The following NDST3 variants were observed in gnomAD, a reference collection of about 807,000 sequenced individuals.
NDST3 encodes the protein N-deacetylase and N-sulfotransferase 3, also known as bifunctional heparan sulfate N-deacetylase/N-sulfotransferase 3.
A neutral mutation model predicts 96.1 loss-of-function variants in NDST3; 58 were observed. The observed-to-expected ratio is 0.60, with a 90% CI of 0.49 to 0.75. The LOEUF is 0.75. Ranked by LOEUF, NDST3 falls within the 30% of genes least tolerant of loss-of-function variation. The pLI is 0.00. For missense variants in NDST3, 788 were observed against 1,034.2 expected, an observed-to-expected ratio of 0.76 and a Z score of 3.27; for synonymous variants, 333 against 359.7, an observed-to-expected ratio of 0.93 and a Z score of 0.84.
At chr4:118,078,474 G>A (rs1401137313) in intron 2 of NDST3, among the ~76,000 whole-genome samples, 4 of 152,098 alleles carry the variant, frequency 2.6e-5, no homozygotes, top group African/African-American at 4.8e-5. Flanking sequence ...ATCAGTGGCC[G>A]GGCACGGTGG....
At chr4:118,059,318 C>T (rs1012412951) in intron 2 of NDST3, among the ~76,000 whole-genome samples, 1 of 152,076 alleles carries the variant, frequency 6.6e-6, no homozygotes, top group African/African-American at 2.4e-5. Flanking sequence ...TATACCATAA[C>T]TTGTCTATTT....
At chr4:118,225,105 G>A (rs891441780) in intron 7 of NDST3, among the ~76,000 whole-genome samples, 1 of 152,130 alleles carries the variant, frequency 6.6e-6, no homozygotes, top group Non-Finnish European at 1.5e-5. Flanking sequence ...TCTGAACCAC[G>A]AGGTACACCA....
intron 6 of NDST3, among the ~76,000 whole-genome samples, chr4:118,196,907 A>G (rs1343511908): frequency 2.5e-5 from 3 of 121,156 alleles, no homozygotes; most frequent in Non-Finnish European, 5.3e-5. Flanking sequence ...TTGCTTTTCT[A>G]CTTCTTTGAG....
intron 12 of NDST3, among the ~76,000 whole-genome samples, chr4:118,244,951 A>G (rs1055116268): frequency 7.2e-5 from 11 of 152,310 alleles, no homozygotes; most frequent in African/African-American, 2.6e-4. Flanking sequence ...AAGCTTTAAA[A>G]ATATAAATAA....
chr4:118,146,007 C>A (rs1733915286), intron 6 of NDST3, among the ~76,000 whole-genome samples: 1 of 152,202 alleles, frequency 6.6e-6, no homozygotes, highest in East Asian at 1.9e-4. Flanking sequence ...TGATGTCTGT[C>A]TTGGAGAACA....
chr4:118,081,672 A>T (rs990000840), intron 2 of NDST3, among the ~76,000 whole-genome samples: 16 of 152,130 alleles, frequency 1.1e-4, no homozygotes, highest in African/African-American at 3.9e-4. Flanking sequence ...AATTAAGTAC[A>T]TTTAAAGGGA....
intron 6 of NDST3, among the ~76,000 whole-genome samples, chr4:118,167,957 T>C (rs960890605): frequency 1.3e-5 from 2 of 151,932 alleles, no homozygotes; most frequent in African/African-American, 4.8e-5. Context: ...TGTAAAATAT[T>C]CCAATAAAAA....
At chr4:118,126,523 TATATATATATACAC>T (rs1289819860) in intron 4 of NDST3, among the ~76,000 whole-genome samples, 2,709 of 17,702 alleles carry the variant, frequency 0.15, 43 homozygotes, top group South Asian at 0.46. Context: ...TGTATATATA[TATATATATATACAC>T]ATATATATAT....
intron 6 of NDST3, among the ~76,000 whole-genome samples, chr4:118,150,842 A>T (rs1420206227): frequency 2.0e-5 from 3 of 152,106 alleles, no homozygotes; most frequent in East Asian, 1.9e-4. Context: ...TTCCTCAAGG[A>T]TCTAGAAGTA....
chr4:118,244,184 G>A (rs906156873), intron 12 of NDST3, among the ~76,000 whole-genome samples: 5 of 139,342 alleles, frequency 3.6e-5, no homozygotes, highest in African/African-American at 1.2e-4. Flanking sequence ...TGCACTAGTT[G>A]TAGAATATTT....
chr4:118,251,287 C>T (rs11931869), intron 12 of NDST3, among the ~76,000 whole-genome samples: 7,521 of 151,066 alleles, frequency 0.05, 339 homozygotes, highest in African/African-American at 0.12. Flanking sequence ...CCACCACGCC[C>T]GGCTAATTTT....
At chr4:118,209,912 T>G (rs1229033217) in intron 6 of NDST3, among the ~76,000 whole-genome samples, 1 of 152,118 alleles carries the variant, frequency 6.6e-6, no homozygotes, top group African/African-American at 2.4e-5. Context: ...ACCTTAGAAA[T>G]TAAGGTGACA....
At position 118,210,489 on chromosome 4, in the gene NDST3, C is replaced by A. The variant is rs369892836; in HGVS notation, c.1540-14002C>A. 1.9e-4 allele frequency among the ~76,000 whole-genome samples: 29 copies of A among 152,164 alleles called. No homozygotes were observed. In the Middle Eastern group the frequency reaches 0.014, roughly 72 times the overall value. ...AGCCTAGGATCCTTTTAAAAGGGAC[C>A]CTGCTGGGCCGGGCACGGTGTTTCA... On this transcript the variant is annotated intron_variant, in intron 6 of 13. Transcript: ENST00000296499.
chr4:118,125,864 A>C (rs2125880679), intron 4 of NDST3, among the ~76,000 whole-genome samples: 1 of 152,206 alleles, frequency 6.6e-6, no homozygotes, highest in Non-Finnish European at 1.5e-5. Context: ...CTTTGCATGT[A>C]GTACCAAATC....
chr4:118,193,593 GGC>G, intron 6 of NDST3: 5 of 1,188,166 alleles, frequency 4.2e-6, no homozygotes, highest in Non-Finnish European at 6.3e-6. Flanking sequence ...ATCTGCTGCT[GGC>G]ACACAGCCAG....
In NDST3 at chr4:118,066,278, A is replaced by ATATATTATATATTATATATATTATG. The variant is rs1726409951; in HGVS notation, c.981+11390_981+11391insATTATATATTATATATATTATGTAT. 4.0e-4 allele frequency among the ~76,000 whole-genome samples: 2 copies of ATATATTATATATTATATATATTATG among 4,984 alleles called. 1 individual carries two copies. Among genetic ancestry groups the ATATATTATATATTATATATATTATG allele is most frequent in the African/African-American group, 4.3e-4 (2 of 4,652 alleles). 3.3% of individuals were successfully genotyped at this position (4,984 alleles called of 152,430 possible). A position where few individuals can be genotyped will look rare whatever the true frequency, so the allele number is the denominator to read the frequency against. On this transcript the variant is annotated intron_variant, in intron 2 of 13. Transcript: ENST00000296499. ...ATATTATATATATTATATATATTAT[A>ATATATTATATATTATATATATTATG]TATTATATATATTATATATATTATG... is the stretch of plus-strand genomic sequence containing the variant.
At chr4:118,095,588 T>C (rs182326146) in intron 2 of NDST3, among the ~76,000 whole-genome samples, 2 of 151,822 alleles carry the variant, frequency 1.3e-5, no homozygotes, top group African/African-American at 4.8e-5. Context: ...CAGGTGAAAT[T>C]CACTTATGTA....
intron 8 of NDST3, 74 bp downstream of exon 8, chr4:118,227,056 A>C (rs554755836): frequency 9.8e-7 from 1 of 1,022,258 alleles, no homozygotes; most frequent in East Asian, 2.4e-5. Context: ...TGTCACAATA[A>C]GTTCGTAAAC....
chr4:118,066,139 T>G (rs1164360639), intron 2 of NDST3, among the ~76,000 whole-genome samples: 1 of 31,864 alleles, frequency 3.1e-5, no homozygotes, highest in East Asian at 9.1e-4. Context: ...TTATATAATA[T>G]ATTTTATATA....
Sources: allele counts gnomAD v4.1 joint callset (sites outside exome capture counted in the v4.1 genomes callset), GRCh38; gene constraint gnomAD v4.1.1; transcripts MANE v1.5; gene names NCBI Gene and HGNC (gene_info 2026-07-23, HGNC 2026-07-21).